Variants in KIAA1217 observed in about 807,000 individuals in gnomAD.
KIAA1217 encodes KIAA1217.
A neutral mutation model predicts 163.9 loss-of-function variants in KIAA1217; 88 were observed. The observed-to-expected ratio is 0.54, with a 90% CI of 0.45 to 0.64. The LOEUF (loss-of-function observed/expected upper bound fraction) is 0.64. Ranked by LOEUF, KIAA1217 falls within the 30% of genes least tolerant of loss-of-function variation. The pLI, the probability that KIAA1217 is intolerant of heterozygous loss-of-function variation, is 0.00. For synonymous variants in KIAA1217, 903 were observed against 923.1 expected, an observed-to-expected ratio of 0.98 and a Z score of 0.39; for missense variants, 2,372 against 2,475.0, an observed-to-expected ratio of 0.96 and a Z score of 0.88.
At chr10:24,476,610 G>T (rs1048127908) in intron 6 of KIAA1217, among the ~76,000 whole-genome samples, 1 of 152,116 alleles carries the variant, frequency 6.6e-6, no homozygotes, top group African/African-American at 2.4e-5. Context: ...TCTGACATAT[G>T]ATTGTAATTA....
intron 1 of KIAA1217, among the ~76,000 whole-genome samples, chr10:23,714,081 G>A (rs182784561): frequency 3.7e-4 from 56 of 152,070 alleles, no homozygotes; most frequent in African/African-American, 8.4e-4. Flanking sequence ...CCAGCTAGTC[G>A]TCCAAGTTCA....
chr10:23,765,014 C>T (rs1460858361), intron 1 of KIAA1217, among the ~76,000 whole-genome samples: 1 of 151,648 alleles, frequency 6.6e-6, no homozygotes, highest in Admixed American at 6.6e-5. Flanking sequence ...TTTGGCTTCT[C>T]CCCCAAAAAA....
chr10:24,166,898 C>A (rs370906710), intron 2 of KIAA1217, among the ~76,000 whole-genome samples: 2 of 151,890 alleles, frequency 1.3e-5, no homozygotes, highest in African/African-American at 4.8e-5. Flanking sequence ...GTATCAACAA[C>A]AAAAAAATTA....
At position 23,898,718 on chromosome 10, in the gene KIAA1217, A is replaced by C. The variant is rs138511195; in HGVS notation, c.-320-108507A>C. 1.1e-3 allele frequency among the ~76,000 whole-genome samples: 169 copies of C among 152,122 alleles called. 1 individual carries two copies. Among genetic ancestry groups the C allele is most frequent in the African/African-American group, 3.9e-3 (164 of 41,530 alleles). On this transcript the variant is annotated intron_variant, in intron 1 of 18. Transcript: ENST00000376462. ...AACTTTTTTACTGTACAAAACTGAA[A>C]CTTAAACAAGTCCCAATTTTCCCCT...
rs1348888828 is a variant in KIAA1217, at chr10:24,440,898, G to T, written c.846+2419G>T. ...ACTTGGTTCCTGTTCACAGATTGCA[G>T]ACGCTAAAAGGCATGGAATTCAGCT... On this transcript the variant is annotated intron_variant, in intron 5 of 20. Transcript: ENST00000376454. Among the ~76,000 whole-genome samples, 5 of 152,236 alleles carry T rather than the reference G, an allele frequency of 3.3e-5. 1 individual carries two copies. The highest frequency in any genetic ancestry group is 7.3e-5 in the Non-Finnish European group (5 of 68,042).
At chr10:24,273,827 T>C (rs563110212) in intron 2 of KIAA1217, among the ~76,000 whole-genome samples, 1 of 147,114 alleles carries the variant, frequency 6.8e-6, no homozygotes, top group South Asian at 2.2e-4. Context: ...TGTTCTAGCC[T>C]GGGCGACAGA....
chr10:23,970,459 A>C (rs1395279996), intron 1 of KIAA1217, among the ~76,000 whole-genome samples: 3 of 152,210 alleles, frequency 2.0e-5, no homozygotes, highest in Admixed American at 6.5e-5. Context: ...TAGAGAGTAG[A>C]GCAGTGGTTA....
At chr10:23,888,694 T>C (rs1482564868) in intron 1 of KIAA1217, among the ~76,000 whole-genome samples, 1 of 151,904 alleles carries the variant, frequency 6.6e-6, no homozygotes, top group East Asian at 1.9e-4. Context: ...AATTGTAAAT[T>C]AGTCTGTTCT....
chr10:24,199,016 C>G lies in KIAA1217; in HGVS notation c.-170-20610C>G, dbSNP rs12259843. On this transcript the variant is annotated intron_variant, in intron 2 of 18. Transcript: ENST00000376462. ...GAAAGACCAGGTGAGGCAAGGAATT[C>G]AAGACCAGTTTGGGCAATATAGTGA... is the stretch of plus-strand genomic sequence containing the variant. Among the ~76,000 whole-genome samples, 1,486 of 152,236 alleles carry G rather than the reference C, an allele frequency of 9.8e-3. 20 individuals are homozygous for G. The highest frequency in any genetic ancestry group is 0.033 in the African/African-American group (1,360 of 41,536).
rs114400963 is a variant in KIAA1217 at position 24,371,126 on chromosome 10, A to G, written c.355-9743A>G. Reference sequence around the variant, plus strand: ...TTGGGGAGGAGTCAGAGAGCAGTCAATCTGAGGTGGTATTTCAGTAGAGTT... The same window carrying G: ...TTGGGGAGGAGTCAGAGAGCAGTCAGTCTGAGGTGGTATTTCAGTAGAGTT... On this transcript the variant is annotated intron_variant, in intron 2 of 20. Transcript: ENST00000376454. Among the ~76,000 whole-genome samples the G allele has an allele frequency of 8.3e-3, 1,264 of 152,262 alleles. 18 individuals carry two copies. The highest frequency in any genetic ancestry group is 0.029 in the African/African-American group (1,211 of 41,544).
intron 2 of KIAA1217, among the ~76,000 whole-genome samples, chr10:24,155,116 T>C (rs1439522287): frequency 6.6e-6 from 1 of 152,174 alleles, no homozygotes; most frequent in Non-Finnish European, 1.5e-5. Context: ...CACTTAAAAA[T>C]GATTACGATG....
At chr10:23,889,628 A>C (rs1020197199) in intron 1 of KIAA1217, among the ~76,000 whole-genome samples, 1 of 151,908 alleles carries the variant, frequency 6.6e-6, no homozygotes, top group African/African-American at 2.4e-5. Context: ...GAAAAGACTA[A>C]TGGTTTGCAT....
At chr10:23,946,225 G>A (rs2131344808) in intron 1 of KIAA1217, among the ~76,000 whole-genome samples, 1 of 139,554 alleles carries the variant, frequency 7.2e-6, no homozygotes, top group East Asian at 2.0e-4. Context: ...TCTGCCCAAG[G>A]AAAATCCATG....
intron 1 of KIAA1217, among the ~76,000 whole-genome samples, chr10:23,696,452 A>G (rs1288193537): frequency 6.6e-6 from 1 of 152,242 alleles, no homozygotes; most frequent in Non-Finnish European, 1.5e-5. Context: ...AGAGAGAGGG[A>G]GATAGTTAAT....
At chr10:24,201,608 C>T (rs1043469478) in intron 2 of KIAA1217, among the ~76,000 whole-genome samples, 5 of 152,036 alleles carry the variant, frequency 3.3e-5, no homozygotes, top group African/African-American at 1.2e-4. Context: ...CCCCCTCTAC[C>T]CACTTGGCTC....
chr10:24,283,135 A>C (rs2078148554), intron 2 of KIAA1217, among the ~76,000 whole-genome samples: 2 of 151,804 alleles, frequency 1.3e-5, no homozygotes, highest in African/African-American at 4.8e-5. Flanking sequence ...AACCAGCCTG[A>C]GGTGTTGCTA....
intron 1 of KIAA1217, among the ~76,000 whole-genome samples, chr10:23,800,427 C>T (rs1327388620): frequency 1.3e-5 from 2 of 151,984 alleles, no homozygotes; most frequent in Non-Finnish European, 2.9e-5. Flanking sequence ...GGAGCTGGAC[C>T]TGAGATGGTG....
chr10:23,879,441 G>A (rs1202299946), intron 1 of KIAA1217, among the ~76,000 whole-genome samples: 1 of 151,920 alleles, frequency 6.6e-6, no homozygotes, highest in Non-Finnish European at 1.5e-5. Flanking sequence ...AGCAGAGTGA[G>A]GGATTCTGAA....
Position 23,892,115 on chromosome 10 carries a change from AG to A in KIAA1217, c.-320-115108del, listed in dbSNP as rs1841442827. 2.0e-5 allele frequency among the ~76,000 whole-genome samples: 3 copies of A among 151,990 alleles called. 1 individual carries two copies. The highest frequency in any genetic ancestry group is 7.2e-5 in the African/African-American group (3 of 41,444). On this transcript the variant is annotated intron_variant, in intron 1 of 18. Transcript: ENST00000376462. ...CACTATATATTTCATATGTTACAAT[AG>A]GTATTTTTATGCCTTTCTTATTGAA...
Sources: allele counts gnomAD v4.1 joint callset (sites outside exome capture counted in the v4.1 genomes callset), GRCh38; gene constraint gnomAD v4.1.1; transcripts MANE v1.5; gene names NCBI Gene and HGNC (gene_info 2026-07-23, HGNC 2026-07-21).